GRIN2B: variants seen among roughly 807,000 people sequenced by gnomAD.
GRIN2B encodes glutamate ionotropic receptor NMDA type subunit 2B, also known as glutamate receptor ionotropic, NMDA 2B.
Under a neutral mutation model 114.5 loss-of-function variants are expected in GRIN2B, and 5 were observed. The observed-to-expected ratio is 0.04, with a 90% confidence interval of 0.02 to 0.09. The LOEUF is 0.09. GRIN2B is among the 10% of genes least tolerant of loss of function. The probability of loss-of-function intolerance (pLI) is 1.00; values close to 1 mark genes in which losing one functional copy is unlikely to be tolerated. For synonymous variants in GRIN2B, 787 were observed against 745.1 expected, an observed-to-expected ratio of 1.06 and a Z score of -0.92; for missense variants, 1,108 against 1,943.5, an observed-to-expected ratio of 0.57 and a Z score of 8.08.
At chr12:13,967,668 G>A (rs1340937294) in intron 2 of GRIN2B, among the ~76,000 whole-genome samples, 1 of 152,184 alleles carries the variant, frequency 6.6e-6, no homozygotes, top group African/African-American at 2.4e-5. Context: ...TTCTCCCCTT[G>A]AGAAATTCAC....
rs527431746 is a variant in GRIN2B, at chr12:13,629,063, G to A, written c.1126-12406C>T. ...AAAGGCTTGAAGGATCTGTGTCTAA[G>A]AATGTACTTACTGTTCTCTCTAAGG... On this transcript the variant is annotated intron_variant, in intron 5 of 13. Transcript: ENST00000609686. 3.3e-5 allele frequency among the ~76,000 whole-genome samples: 5 copies of A among 152,232 alleles called. No individual in the cohort carries two copies. The East Asian group carries it at 9.7e-4, about 29-fold the overall frequency.
At chr12:13,705,231 C>A (rs1281092887) in intron 4 of GRIN2B, among the ~76,000 whole-genome samples, 1 of 152,158 alleles carries the variant, frequency 6.6e-6, no homozygotes, top group Non-Finnish European at 1.5e-5. Flanking sequence ...ATCTCCCTAA[C>A]TTCTCCATAA....
At chr12:13,759,395 A>G (rs879715819) in intron 3 of GRIN2B, among the ~76,000 whole-genome samples, 1 of 152,194 alleles carries the variant, frequency 6.6e-6, no homozygotes, top group Admixed American at 6.5e-5. Flanking sequence ...GTGCTTTTAC[A>G]AAATGTGAGG....
chr12:13,788,925 A>T (rs920145392), intron 3 of GRIN2B, among the ~76,000 whole-genome samples: 1 of 152,154 alleles, frequency 6.6e-6, no homozygotes, highest in Admixed American at 6.5e-5. Context: ...GGAACATGAA[A>T]CTGGCAATGG....
At position 13,547,384 on chromosome 12, in the gene GRIN2B, A is replaced by G. The variant is rs1948357117; in HGVS notation, c.*15399T>C. The G allele has an allele frequency of 6.6e-6, 1 of 152,168 alleles. No individual in the cohort carries two copies. The highest frequency in any genetic ancestry group is 2.4e-5 in the African/African-American group (1 of 41,448). 9.4% of individuals were successfully genotyped at this position (152,168 alleles called of 1,614,324 possible). ...TTTTGGAATCATGGCCACCCAGAAG[A>G]GGAAAGGGGTGATCATGTGTCTCAA... is the stretch of plus-strand genomic sequence containing the variant. On this transcript the variant is annotated 3_prime_UTR_variant, in exon 14 of 14. Transcript: ENST00000609686.
rs769999440 is a variant in GRIN2B at position 13,640,637 on chromosome 12, G to A, written c.1126-23980C>T. On this transcript the variant is annotated intron_variant, in intron 5 of 13. Transcript: ENST00000609686. ...ACAGAATGTTGCATGTTGACAAAAC[G>A]TTCAAGCATCACAGTGATGGCTGAT... Among the ~76,000 whole-genome samples, 7 of 152,134 alleles carry A rather than the reference G, an allele frequency of 4.6e-5. No homozygotes were observed. In the South Asian group the frequency reaches 8.3e-4, roughly 18 times the overall value.
At chr12:13,736,294 G>A (rs1265285120) in intron 4 of GRIN2B, among the ~76,000 whole-genome samples, 1 of 152,016 alleles carries the variant, frequency 6.6e-6, no homozygotes, top group Non-Finnish European at 1.5e-5. Context: ...ATTAACTATG[G>A]TGCCTCTTCC....
chr12:13,765,917 A>T (rs775389396), intron 3 of GRIN2B, among the ~76,000 whole-genome samples: 1 of 152,134 alleles, frequency 6.6e-6, no homozygotes, highest in Non-Finnish European at 1.5e-5. Context: ...CTGTCTATAC[A>T]TCCTTGTTTC....
intron 3 of GRIN2B, among the ~76,000 whole-genome samples, chr12:13,772,094 T>C (rs895531024): frequency 3.9e-5 from 6 of 152,210 alleles, no homozygotes; most frequent in African/African-American, 1.4e-4. Context: ...GTCTGAAGAA[T>C]GTTCAACAAC....
intron 2 of GRIN2B, among the ~76,000 whole-genome samples, chr12:13,869,712 T>G (rs1477754051): frequency 6.6e-6 from 1 of 152,194 alleles, no homozygotes; most frequent in Non-Finnish European, 1.5e-5. Context: ...CTCTTTCCCT[T>G]CTGGGGCCTC....
Position 13,620,846 on chromosome 12 carries a change from G to A in GRIN2B, c.1126-4189C>T, listed in dbSNP as rs78408667. Among the ~76,000 whole-genome samples the A allele has an allele frequency of 2.3e-4, 35 of 150,544 alleles. No individual in the cohort carries two copies. In the East Asian group the frequency reaches 5.1e-3, roughly 22 times the overall value. On this transcript the variant is annotated intron_variant, in intron 5 of 13. Transcript: ENST00000609686. ...TATCTGATTTGTTTCTACAAAATAC[G>A]AGCTTGCCTTAAAGTCGTTATTTTT...
intron 4 of GRIN2B, among the ~76,000 whole-genome samples, chr12:13,748,623 G>A (rs1863429084): frequency 6.6e-6 from 1 of 152,062 alleles, no homozygotes; most frequent in Admixed American, 6.5e-5. Flanking sequence ...AGAATATATA[G>A]CATAAGAAAT....
intron 4 of GRIN2B, among the ~76,000 whole-genome samples, chr12:13,676,372 G>C (rs965491203): frequency 6.6e-6 from 1 of 152,074 alleles, no homozygotes; most frequent in Non-Finnish European, 1.5e-5. Flanking sequence ...TTTTAAAAAG[G>C]TGTTTGGTTT....
intron 4 of GRIN2B, among the ~76,000 whole-genome samples, chr12:13,709,119 T>A (rs1950391183): frequency 6.6e-6 from 1 of 151,982 alleles, no homozygotes; most frequent in Non-Finnish European, 1.5e-5. Context: ...CTTGATAAAA[T>A]TCATGGCACA....
At chr12:13,779,840 C>A (rs150377141) in intron 3 of GRIN2B, among the ~76,000 whole-genome samples, 1 of 152,182 alleles carries the variant, frequency 6.6e-6, no homozygotes, top group East Asian at 1.9e-4. Context: ...GCCTCAGTTG[C>A]CCCATCTGTC....
intron 5 of GRIN2B, among the ~76,000 whole-genome samples, chr12:13,666,989 A>G (rs11615510): frequency 0.073 from 11,090 of 152,242 alleles, 454 homozygotes; most frequent in Non-Finnish European, 0.09. Context: ...GGTATGTTCT[A>G]TCCCTACTGG....
chr12:13,920,378 C>A (rs1316872538), intron 2 of GRIN2B, among the ~76,000 whole-genome samples: 1 of 152,088 alleles, frequency 6.6e-6, no homozygotes, highest in Non-Finnish European at 1.5e-5. Flanking sequence ...ACTTTAACTT[C>A]TCAAGGAAAA....
intron 1 of GRIN2B, among the ~76,000 whole-genome samples, 178 bp downstream of exon 1, chr12:13,981,164 A>G: frequency 1.6e-5 from 1 of 62,780 alleles, no homozygotes; most frequent in East Asian, 1.2e-3. Flanking sequence ...TCCCCCACAA[A>G]AAAAAAAAAC....
At chr12:13,892,246 A>T (rs1349085370) in intron 2 of GRIN2B, among the ~76,000 whole-genome samples, 1 of 152,222 alleles carries the variant, frequency 6.6e-6, no homozygotes, top group Non-Finnish European at 1.5e-5. Flanking sequence ...ATAGGTTTTC[A>T]TTCAGGGCCA....
Sources: gnomAD v4.1 joint callset for allele counts (sites outside exome capture counted in the v4.1 genomes callset) on GRCh38, gnomAD v4.1.1 for gene constraint, MANE v1.5 for transcripts, NCBI Gene and HGNC (gene_info 2026-07-23, HGNC 2026-07-21) for gene names.